GALNTL6: variants seen among roughly 807,000 people sequenced by gnomAD.
The protein encoded by GALNTL6 is polypeptide N-acetylgalactosaminyltransferase like 6.
GALNTL6 carries 46 observed loss-of-function variants against 73.7 expected under a neutral mutation model. That is an observed-to-expected ratio of 0.62 (90% confidence interval 0.49 to 0.80). The LOEUF (loss-of-function observed/expected upper bound fraction) is 0.80. Among genes scored for constraint, GALNTL6 ranks in the 30% least tolerant of loss-of-function variants. The pLI is 0.00. For missense variants in GALNTL6, 604 were observed against 755.0 expected (o/e 0.80, Z 2.34); for synonymous variants, 259 against 263.7 (o/e 0.98, Z 0.17).
chr4:171,881,622 C>G (rs1345403013), intron 2 of GALNTL6, among the ~76,000 whole-genome samples: 2 of 152,158 alleles, frequency 1.3e-5, no homozygotes, highest in East Asian at 1.9e-4. Flanking sequence ...TCCAATCAAG[C>G]TGACACTCAG....
chr4:172,190,258 C>G (rs897426916), intron 2 of GALNTL6, among the ~76,000 whole-genome samples: 1 of 152,022 alleles, frequency 6.6e-6, no homozygotes, highest in Non-Finnish European at 1.5e-5. Context: ...CTTTTAGGAC[C>G]TATTGAAGCT....
intron 8 of GALNTL6, among the ~76,000 whole-genome samples, chr4:172,921,251 A>G (rs1213835240): frequency 6.6e-6 from 1 of 152,188 alleles, no homozygotes; most frequent in East Asian, 1.9e-4. Flanking sequence ...GAGAATTTGA[A>G]TTATTATTTC....
At chr4:172,516,063 C>T (rs961829315) in intron 5 of GALNTL6, among the ~76,000 whole-genome samples, 1 of 152,148 alleles carries the variant, frequency 6.6e-6, no homozygotes, top group African/African-American at 2.4e-5. Context: ...TTGTTTAAAT[C>T]ACTTTCAAGT....
intron 5 of GALNTL6, among the ~76,000 whole-genome samples, chr4:172,466,833 CTT>C (rs1174074738): frequency 2.0e-5 from 3 of 152,124 alleles, no homozygotes; most frequent in African/African-American, 7.2e-5. Context: ...AATTTATTAT[CTT>C]GTTTCTTTTC....
At chr4:172,538,870 C>T (rs1735446347) in intron 5 of GALNTL6, among the ~76,000 whole-genome samples, 1 of 151,908 alleles carries the variant, frequency 6.6e-6, no homozygotes, top group Admixed American at 6.6e-5. Context: ...TGAACAGAAA[C>T]CAATGAAAGC....
At position 172,393,122 on chromosome 4, in the gene GALNTL6, C is replaced by T. The variant is rs76877168; in HGVS notation, c.553+44433C>T. Reference sequence around the variant, plus strand: ...TTCATCCCCAAACCATCCCCCTTCCCGGGTGGAAAAATTGTCTTCCATGAA... The same window carrying T: ...TTCATCCCCAAACCATCCCCCTTCCTGGGTGGAAAAATTGTCTTCCATGAA... On this transcript the variant is annotated intron_variant, in intron 5 of 12. Coordinates refer to ENST00000506823, the MANE Select transcript of GALNTL6 (RefSeq NM_001034845.3). 7.3e-3 allele frequency among the ~76,000 whole-genome samples: 1,118 copies of T among 152,190 alleles called. 14 individuals are homozygous for T. The highest frequency in any genetic ancestry group is 0.025 in the African/African-American group (1,053 of 41,512).
At chr4:172,801,940 T>C (rs4640647) in intron 5 of GALNTL6, among the ~76,000 whole-genome samples, 124,638 of 152,062 alleles carry the variant, frequency 0.82, 51,129 homozygotes, top group East Asian at 0.94. Context: ...TCCACTTCCA[T>C]TTAATAAACA....
intron 5 of GALNTL6, among the ~76,000 whole-genome samples, chr4:172,414,216 C>G (rs1744540917): frequency 6.6e-6 from 1 of 152,048 alleles, no homozygotes; most frequent in African/African-American, 2.4e-5. Context: ...GCTCTGTTAA[C>G]CTTAGAAAGT....
rs754179987 is a variant in GALNTL6, at chr4:172,232,252, A to C, written c.247+2488A>C. Among the ~76,000 whole-genome samples the C allele has an allele frequency of 2.8e-4, 42 of 152,074 alleles. 2 individuals are homozygous for C. Among genetic ancestry groups the C allele is most frequent in the Admixed American group, 2.6e-3 (40 of 15,272 alleles). ...TGTTTACTCTCTTATTTTTCTCTGT[A>C]GTTTTTACTGCCAGTGTATTTATCC... is the stretch of plus-strand genomic sequence containing the variant. On this transcript the variant is annotated intron_variant, in intron 3 of 12. Transcript: ENST00000506823.
Position 172,979,694 on chromosome 4 carries a change from G to T in GALNTL6, c.1371+27436G>T, listed in dbSNP as rs116710715. On this transcript the variant is annotated intron_variant, in intron 10 of 12. Coordinates refer to ENST00000506823, the MANE Select transcript of GALNTL6 (RefSeq NM_001034845.3). ...CTTTAGGAGCCCTTTGAGTTACCCT[G>T]CTTGGTTCTTAAACACTGGTTGACA... 1.9e-3 allele frequency among the ~76,000 whole-genome samples: 284 copies of T among 152,284 alleles called. 1 individual carries two copies. The highest frequency in any genetic ancestry group is 6.4e-3 in the African/African-American group (267 of 41,554).
chr4:172,597,489 T>G (rs1192845363), intron 5 of GALNTL6, among the ~76,000 whole-genome samples: 1 of 152,302 alleles, frequency 6.6e-6, no homozygotes, highest in South Asian at 2.1e-4. Flanking sequence ...ATAATAGTTA[T>G]TTTTGCTTTG....
chr4:172,827,903 G>A (rs1579534838), intron 7 of GALNTL6, among the ~76,000 whole-genome samples: 1 of 151,718 alleles, frequency 6.6e-6, no homozygotes, highest in African/African-American at 2.4e-5. Flanking sequence ...GTAGAGCAAG[G>A]AATAAAAAAT....
rs6836806 is a variant in GALNTL6, at chr4:172,451,058, A to G, written c.553+102369A>G. Among the ~76,000 whole-genome samples, 250 of 152,330 alleles carry G rather than the reference A, an allele frequency of 1.6e-3. 1 individual carries two copies. Among genetic ancestry groups the G allele is most frequent in the Non-Finnish European group, 3.1e-3 (211 of 68,026 alleles). On this transcript the variant is annotated intron_variant, in intron 5 of 12. Transcript: ENST00000506823. ...GCCCAGACTCTGTTCAGCACACAGT[A>G]TGCATCCTGTGAAGGTTTTTTGTAG...
chr4:172,435,155 C>T (rs1229346813), intron 5 of GALNTL6, among the ~76,000 whole-genome samples: 1 of 152,084 alleles, frequency 6.6e-6, no homozygotes, highest in Admixed American at 6.6e-5. Flanking sequence ...AACTCTACCT[C>T]TGCTATATCT....
chr4:172,235,692 G>A (rs948231386), intron 3 of GALNTL6, among the ~76,000 whole-genome samples: 6 of 151,910 alleles, frequency 3.9e-5, no homozygotes, highest in Non-Finnish European at 8.8e-5. Context: ...TTTGTTATGA[G>A]GGTATATTGC....
intron 9 of GALNTL6, among the ~76,000 whole-genome samples, chr4:172,948,614 G>A (rs951066725): frequency 6.6e-5 from 8 of 121,878 alleles, no homozygotes; most frequent in South Asian, 2.8e-4. Context: ...CACCAGCCTC[G>A]CTAATTTTTT....
At position 172,659,223 on chromosome 4, in the gene GALNTL6, A is replaced by AT. The variant is rs754668217; in HGVS notation, c.554-150131dup. On this transcript the variant is annotated intron_variant, in intron 5 of 12. Transcript: ENST00000506823. Reference sequence around the variant, plus strand: ...TTATTCAATAATCATAAAAGCTTTAATTTTTTTCTTTTTTAAAATTTTTAT... The same window carrying AT: ...TTATTCAATAATCATAAAAGCTTTAATTTTTTTTCTTTTTTAAAATTTTTAT... 2.6e-5 allele frequency among the ~76,000 whole-genome samples: 4 copies of AT among 151,656 alleles called. No individual in the cohort carries two copies. In the East Asian group the frequency reaches 7.9e-4, roughly 30 times the overall value.
intron 9 of GALNTL6, among the ~76,000 whole-genome samples, chr4:172,939,743 C>G (rs1748822254): frequency 6.6e-6 from 1 of 152,162 alleles, no homozygotes; most frequent in Non-Finnish European, 1.5e-5. Context: ...CACTCACTCA[C>G]CCTTCAATCC....
chr4:172,783,364 G>GTATTAATAAT (rs1470237914), intron 5 of GALNTL6, among the ~76,000 whole-genome samples: 1 of 146,240 alleles, frequency 6.8e-6, no homozygotes, highest in Non-Finnish European at 1.5e-5. Context: ...TATAAATAGT[G>GTATTAATAAT]TATTAATAAT....
Sources: allele counts gnomAD v4.1 joint callset (sites outside exome capture counted in the v4.1 genomes callset), GRCh38; gene constraint gnomAD v4.1.1; transcripts MANE v1.5; gene names NCBI Gene and HGNC (gene_info 2026-07-23, HGNC 2026-07-21).